STXBP6: variants seen among roughly 807,000 people sequenced by gnomAD.
STXBP6 encodes the protein syntaxin-binding protein 6.
In STXBP6, 21 loss-of-function variants were observed where a neutral mutation model predicts 26.9. The ratio of observed to expected loss-of-function variants is 0.78; its 90% CI spans 0.55 to 1.12. The LOEUF (loss-of-function observed/expected upper bound fraction) is 1.12, where lower values mean the gene tolerates loss of function less well. Ranked by LOEUF, STXBP6 falls within the 50% of genes most tolerant of loss-of-function variation. The pLI is 0.00. For synonymous variants in STXBP6, 97 were observed against 92.6 expected (o/e 1.05, Z -0.27); for missense variants, 232 against 257.9 (o/e 0.90, Z 0.69).
At chr14:24,862,174 T>A (rs2332446) in intron 2 of STXBP6, among the ~76,000 whole-genome samples, 136,913 of 151,766 alleles carry the variant, frequency 0.9, 62,730 homozygotes, top group East Asian at 1. Flanking sequence ...CTAACTTTTA[T>A]TTTTTTTGTA....
At chr14:24,936,504 T>C (rs773233276) in intron 2 of STXBP6, among the ~76,000 whole-genome samples, 1 of 152,182 alleles carries the variant, frequency 6.6e-6, no homozygotes, top group Non-Finnish European at 1.5e-5. Flanking sequence ...ACAGATTAGA[T>C]TTGTAAAGAA....
intron 2 of STXBP6, among the ~76,000 whole-genome samples, chr14:24,886,425 A>T (rs1356699161): frequency 6.6e-6 from 1 of 152,190 alleles, no homozygotes; most frequent in Non-Finnish European, 1.5e-5. Flanking sequence ...AAAGATTATA[A>T]ATGATAATGC....
At chr14:24,921,711 G>C (rs746952452) in intron 2 of STXBP6, among the ~76,000 whole-genome samples, 1 of 152,130 alleles carries the variant, frequency 6.6e-6, no homozygotes, top group African/African-American at 2.4e-5. Flanking sequence ...TATTGGGAAA[G>C]TCAGGCGGCA....
At chr14:24,947,785 T>A (rs8009972) in intron 2 of STXBP6, among the ~76,000 whole-genome samples, 5,057 of 152,262 alleles carry the variant, frequency 0.033, 254 homozygotes, top group African/African-American at 0.11. Context: ...AATGACATTA[T>A]CACATCCAAA....
rs2139746219 is a variant in STXBP6 at position 24,913,686 on chromosome 14, A to G, written c.155-56529T>C. Among the ~76,000 whole-genome samples, 3 of 152,320 alleles carry G rather than the reference A, an allele frequency of 2.0e-5. 1 individual carries two copies. In the Middle Eastern group the frequency reaches 0.01, roughly 518 times the overall value. On this transcript the variant is annotated intron_variant, in intron 2 of 5. Coordinates refer to ENST00000323944, the MANE Select transcript of STXBP6 (RefSeq NM_001394410.1). ...ATTTGAAAAGTGAATTTGCTTTGCT[A>G]TAGTATATAATTTCCATGTTTAACC... is the stretch of plus-strand genomic sequence containing the variant.
chr14:24,897,761 G>A (rs1327534650), intron 2 of STXBP6, among the ~76,000 whole-genome samples: 2 of 152,168 alleles, frequency 1.3e-5, no homozygotes, highest in South Asian at 2.1e-4. Flanking sequence ...TCTTTTAAGA[G>A]GTGACATATA....
At chr14:24,917,214 GT>G (rs2071799328) in intron 2 of STXBP6, among the ~76,000 whole-genome samples, 1 of 151,928 alleles carries the variant, frequency 6.6e-6, no homozygotes, top group Non-Finnish European at 1.5e-5. Flanking sequence ...GCACAATTTT[GT>G]AAAAAAATCT....
chr14:24,971,763 A>G (rs543651623), intron 2 of STXBP6, among the ~76,000 whole-genome samples: 27 of 152,272 alleles, frequency 1.8e-4, no homozygotes, highest in African/African-American at 5.8e-4. Flanking sequence ...CTCTGCATAC[A>G]TGCTTTCACA....
chr14:24,899,780 CAAAAAAA>C (rs58367371), intron 2 of STXBP6, among the ~76,000 whole-genome samples: 23 of 46,878 alleles, frequency 4.9e-4, no homozygotes, highest in Non-Finnish European at 6.6e-4. Context: ...GACTACATTT[CAAAAAAA>C]AAAAAAAAAA....
intron 5 of STXBP6, 138 bp from the exon 6 acceptor site, chr14:24,812,870 C>CTT (rs1450184934): frequency 2.6e-6 from 2 of 781,424 alleles, no homozygotes; most frequent in African/African-American, 1.7e-5. Flanking sequence ...ATCACCGTTA[C>CTT]TAATTACAGT....
At chr14:24,835,975 C>T (rs910191918) in intron 4 of STXBP6, among the ~76,000 whole-genome samples, 1 of 152,212 alleles carries the variant, frequency 6.6e-6, no homozygotes, top group Non-Finnish European at 1.5e-5. Context: ...TTACTGCACA[C>T]TGTAGTCACC....
At chr14:24,935,232 C>T (rs886475646) in intron 2 of STXBP6, among the ~76,000 whole-genome samples, 3 of 152,148 alleles carry the variant, frequency 2.0e-5, no homozygotes, top group Non-Finnish European at 4.4e-5. Context: ...ACAGTTAATC[C>T]TGCAGGGCCT....
At chr14:24,852,126 T>A (rs532065942) in intron 4 of STXBP6, among the ~76,000 whole-genome samples, 39 of 152,254 alleles carry the variant, frequency 2.6e-4, no homozygotes, top group African/African-American at 9.1e-4. Flanking sequence ...AGAGATTAAC[T>A]GCCTTCTTTA....
chr14:24,822,667 G>T (rs550167703), intron 4 of STXBP6, among the ~76,000 whole-genome samples: 5 of 151,942 alleles, frequency 3.3e-5, no homozygotes, highest in African/African-American at 1.2e-4. Flanking sequence ...ATGGAAGTTT[G>T]TCCCTCCACC....
chr14:24,831,304 T>G (rs7143576), intron 4 of STXBP6, among the ~76,000 whole-genome samples: 81,630 of 151,982 alleles, frequency 0.54, 23,818 homozygotes, highest in African/African-American at 0.74. Context: ...GTAATTATCA[T>G]TTTAAGTGTC....
intron 1 of STXBP6, among the ~76,000 whole-genome samples, chr14:25,030,716 C>G (rs2075437779): frequency 6.6e-6 from 1 of 152,240 alleles, no homozygotes; most frequent in East Asian, 1.9e-4. Context: ...CTATCTGTCC[C>G]TCCTCGGCCT....
intron 1 of STXBP6, among the ~76,000 whole-genome samples, chr14:24,993,629 T>C (rs11850786): frequency 0.11 from 17,308 of 152,146 alleles, 1,069 homozygotes; most frequent in African/African-American, 0.14. Context: ...AAGCCCACCC[T>C]CTGTATTCTG....
At chr14:24,847,754 T>C (rs1217685970) in intron 4 of STXBP6, among the ~76,000 whole-genome samples, 2 of 152,180 alleles carry the variant, frequency 1.3e-5, no homozygotes, top group Admixed American at 1.3e-4. Flanking sequence ...TTGTAAAGTT[T>C]AGAAAACATG....
chr14:24,975,033 AAAAAT>A (rs1331795321), intron 1 of STXBP6, among the ~76,000 whole-genome samples, 183 bp from the exon 2 acceptor site: 2 of 152,218 alleles, frequency 1.3e-5, no homozygotes, highest in Non-Finnish European at 2.9e-5. Context: ...ATAACTATGA[AAAAAT>A]AAAGACAAAA....
Sources: allele counts gnomAD v4.1 joint callset (sites outside exome capture counted in the v4.1 genomes callset), GRCh38; gene constraint gnomAD v4.1.1; transcripts MANE v1.5; gene names NCBI Gene and HGNC (gene_info 2026-07-23, HGNC 2026-07-21).